The following COPG2 variants were observed in gnomAD, a reference collection of about 807,000 sequenced individuals.
COPG2 encodes coatomer subunit gamma-2.
Under a neutral mutation model 46.3 loss-of-function variants are expected in COPG2, and 37 were observed. The ratio of observed to expected loss-of-function variants is 0.80; its 90% CI spans 0.61 to 1.05. The LOEUF is 1.05. Ranked by LOEUF, COPG2 falls within the 50% of genes least tolerant of loss-of-function variation. The pLI is 0.00. For synonymous variants in COPG2, 159 were observed against 129.7 expected, an observed-to-expected ratio of 1.23 and a Z score of -1.53; for missense variants, 427 against 387.8, an observed-to-expected ratio of 1.10 and a Z score of -0.85.
intron 9 of COPG2, among the ~76,000 whole-genome samples, chr7:130,587,696 G>GA (rs1794302994): frequency 6.6e-6 from 1 of 152,050 alleles, no homozygotes; most frequent in Non-Finnish European, 1.5e-5. Flanking sequence ...AACCCTAGAA[G>GA]AAAACCTAGG....
At chr7:130,645,451 T>C in intron 5 of COPG2, 1 of 361,026 alleles carries the variant, frequency 2.8e-6, no homozygotes. Flanking sequence ...ATGATGTCTT[T>C]CTCCAACCGG....
At chr7:130,627,152 T>C (rs1425889407) in intron 5 of COPG2, among the ~76,000 whole-genome samples, 1 of 152,238 alleles carries the variant, frequency 6.6e-6, no homozygotes, top group Non-Finnish European at 1.5e-5. Context: ...TGAAATCCGT[T>C]TCCTATAGTA....
At chr7:130,639,375 A>G (rs1463264075) in intron 5 of COPG2, among the ~76,000 whole-genome samples, 10 of 152,182 alleles carry the variant, frequency 6.6e-5, no homozygotes, top group African/African-American at 2.4e-4. Flanking sequence ...AAGAATCCCT[A>G]CAACTGGGTC....
intron 9 of COPG2, among the ~76,000 whole-genome samples, chr7:130,601,033 C>A (rs1353712591): frequency 2.0e-5 from 3 of 152,216 alleles, no homozygotes; most frequent in African/African-American, 7.2e-5. Context: ...GAGAAGCCAG[C>A]TGCCATGCTG....
intron 7 of COPG2, 42 bp from the exon 8 acceptor site, chr7:130,612,280 T>A: frequency 8.0e-7 from 1 of 1,246,392 alleles, no homozygotes; most frequent in Non-Finnish European, 1.1e-6. Flanking sequence ...TAATGCTTGG[T>A]CACTAGAAGC....
intron 5 of COPG2, among the ~76,000 whole-genome samples, chr7:130,648,129 G>A (rs1795655975): frequency 1.3e-5 from 2 of 152,046 alleles, no homozygotes; most frequent in Admixed American, 6.5e-5. Context: ...TGAAGTATGT[G>A]CCTTCAGATT....
At chr7:130,521,951 C>T (rs1290069707) in intron 20 of COPG2, among the ~76,000 whole-genome samples, 3 of 152,000 alleles carry the variant, frequency 2.0e-5, no homozygotes, top group African/African-American at 4.8e-5. Context: ...GGAGAGGCAC[C>T]GTAGATTGAG....
intron 16 of COPG2, 128 bp from the exon 17 acceptor site, chr7:130,550,777 C>T (rs1237144695): frequency 5.4e-6 from 2 of 370,248 alleles, no homozygotes; most frequent in Non-Finnish European, 9.5e-6. Context: ...AGCTTTATAA[C>T]CTAAATATAA....
At chr7:130,527,153 G>A (rs1031318411) in intron 20 of COPG2, among the ~76,000 whole-genome samples, 1 of 151,680 alleles carries the variant, frequency 6.6e-6, no homozygotes, top group Admixed American at 6.6e-5. Flanking sequence ...GGACCTGATG[G>A]GTGTCCATAA....
In COPG2 at chr7:130,632,485, T is replaced by C. The variant is rs906496821; in HGVS notation, c.324-15420A>G. 2.0e-5 allele frequency among the ~76,000 whole-genome samples: 3 copies of C among 152,224 alleles called. No homozygotes were observed. In the East Asian group the frequency reaches 5.8e-4, roughly 29 times the overall value. On this transcript the variant is annotated intron_variant, in intron 5 of 23. Coordinates refer to ENST00000425248, the MANE Select transcript of COPG2 (RefSeq NM_012133.6). ...TTTCTTGAGTCTGTAAATTTATCTT[T>C]CTCCAAATTTGTAAGTTTTCAGTCA... is the stretch of plus-strand genomic sequence containing the variant.
intron 20 of COPG2, among the ~76,000 whole-genome samples, chr7:130,513,311 ATATATATATATAT>A (rs1799634253): frequency 7.1e-5 from 3 of 42,200 alleles, no homozygotes; most frequent in Non-Finnish European, 8.5e-5. Flanking sequence ...AAAAAAAAAT[ATATATATATATAT>A]ATATATATAT....
chr7:130,636,544 T>C (rs1027123730), intron 5 of COPG2, among the ~76,000 whole-genome samples: 66 of 148,452 alleles, frequency 4.4e-4, no homozygotes, highest in African/African-American at 1.6e-3. Flanking sequence ...ACCGGTTTTT[T>C]TTTTTTTTTT....
At chr7:130,524,495 T>A (rs1165710187) in intron 20 of COPG2, among the ~76,000 whole-genome samples, 3 of 152,034 alleles carry the variant, frequency 2.0e-5, no homozygotes, top group African/African-American at 7.3e-5. Context: ...GGAGAGGTGT[T>A]CCCTAATGGG....
chr7:130,629,111 C>T (rs1795175551), intron 5 of COPG2, among the ~76,000 whole-genome samples: 1 of 152,046 alleles, frequency 6.6e-6, no homozygotes, highest in Non-Finnish European at 1.5e-5. Context: ...ACATTGTCTT[C>T]TAGCTTGCAT....
rs587713773 is a variant in COPG2 at position 130,590,832 on chromosome 7, C to G, written c.737+20121G>C. Among the ~76,000 whole-genome samples, 11 of 151,974 alleles carry G rather than the reference C, an allele frequency of 7.2e-5. 1 individual carries two copies. The highest frequency in any genetic ancestry group is 4.2e-4 in the South Asian group (2 of 4,810). On this transcript the variant is annotated intron_variant, in intron 9 of 23. Transcript: ENST00000425248. Reference sequence around the variant, plus strand: ...GGGGAGCACCTCTGCCCTGCCCCCCCGTCTGGGATGTGAGGAGCGTCTCTG... The same window carrying G: ...GGGGAGCACCTCTGCCCTGCCCCCCGGTCTGGGATGTGAGGAGCGTCTCTG...
intron 5 of COPG2, among the ~76,000 whole-genome samples, chr7:130,637,074 G>A (rs1584598591): frequency 6.6e-6 from 1 of 152,184 alleles, no homozygotes; most frequent in East Asian, 1.9e-4. Flanking sequence ...GGCTTGTAGG[G>A]TTTCTGCAGA....
intron 9 of COPG2, chr7:130,608,150 T>C (rs782073836): frequency 2.4e-6 from 1 of 410,094 alleles, no homozygotes; most frequent in South Asian, 1.9e-5. Context: ...ATAATATTCA[T>C]CCTCAAGAGA....
chr7:130,561,457 C>G (rs2116402080), intron 11 of COPG2, among the ~76,000 whole-genome samples: 1 of 152,254 alleles, frequency 6.6e-6, no homozygotes, highest in East Asian at 1.9e-4. Flanking sequence ...CTAACATTAC[C>G]ATTTTTAAAA....
chr7:130,614,412 G>C (rs1216908701), intron 6 of COPG2, among the ~76,000 whole-genome samples: 3 of 152,146 alleles, frequency 2.0e-5, no homozygotes, highest in Non-Finnish European at 4.4e-5. Context: ...ATTTGGTCCT[G>C]CTCAACCTTT....
Sources: gnomAD v4.1 joint callset for allele counts (sites outside exome capture counted in the v4.1 genomes callset) on GRCh38, gnomAD v4.1.1 for gene constraint, MANE v1.5 for transcripts, NCBI Gene and HGNC (gene_info 2026-07-23, HGNC 2026-07-21) for gene names.